LARGE1: variants seen among roughly 807,000 people sequenced by gnomAD.
LARGE1 encodes the protein LARGE xylosyl- and glucuronyltransferase 1, also known as xylosyl- and glucuronyltransferase LARGE1.
Under a neutral mutation model 87.6 loss-of-function variants are expected in LARGE1, and 43 were observed. The ratio of observed to expected loss-of-function variants is 0.49; its 90% CI spans 0.38 to 0.63. The LOEUF (loss-of-function observed/expected upper bound fraction) is 0.63, where lower values mean the gene tolerates loss of function less well. Ranked by LOEUF, LARGE1 falls within the 30% of genes least tolerant of loss-of-function variation. The pLI, the probability that LARGE1 is intolerant of heterozygous loss-of-function variation, is 0.00. For missense variants in LARGE1, 802 were observed against 1,000.2 expected (o/e 0.80, Z 2.67); for synonymous variants, 434 against 394.6 (o/e 1.10, Z -1.18).
At chr22:33,202,615 T>C (rs564677837) in intron 11 of LARGE1, among the ~76,000 whole-genome samples, 11 of 152,350 alleles carry the variant, frequency 7.2e-5, no homozygotes, top group African/African-American at 2.6e-4. Context: ...TACTGTCTAG[T>C]ACAGTGCAGA....
At chr22:33,297,240 G>GA (rs889283448) in intron 12 of LARGE1, among the ~76,000 whole-genome samples, 32 of 152,282 alleles carry the variant, frequency 2.1e-4, no homozygotes, top group African/African-American at 7.5e-4. Context: ...AAGCTGGGGA[G>GA]AAAAGAGTCG....
intron 2 of LARGE1, among the ~76,000 whole-genome samples, chr22:33,675,113 C>T (rs1230314995): frequency 6.6e-6 from 1 of 151,044 alleles, no homozygotes; most frequent in African/African-American, 2.4e-5. Flanking sequence ...ACCAACATGG[C>T]GAAATCCCGC....
rs982373233 is a variant in LARGE1, at chr22:33,629,449, T to A, written c.409-3123A>T. Among the ~76,000 whole-genome samples, 13 of 152,284 alleles carry A rather than the reference T, an allele frequency of 8.5e-5. No individual in the cohort carries two copies. In the East Asian group the frequency reaches 2.5e-3, roughly 29 times the overall value. Reference sequence around the variant, plus strand: ...TAATTTTCCAATCTCTTTAGTTTCATCGAATACACCTGCCACCATGAATAA... The same window carrying A: ...TAATTTTCCAATCTCTTTAGTTTCAACGAATACACCTGCCACCATGAATAA... On this transcript the variant is annotated intron_variant, in intron 3 of 14. Coordinates refer to ENST00000397394, the MANE Select transcript of LARGE1 (RefSeq NM_133642.5).
At chr22:33,166,990 C>G (rs1211389983) in intron 11 of LARGE1, among the ~76,000 whole-genome samples, 1 of 152,162 alleles carries the variant, frequency 6.6e-6, no homozygotes, top group East Asian at 1.9e-4. Flanking sequence ...ATATTTTTCC[C>G]TAAGATCATT....
the LARGE1 span, among the ~76,000 whole-genome samples, chr22:33,142,885 A>G: frequency 6.6e-6 from 1 of 152,200 alleles, no homozygotes; most frequent in African/African-American, 2.4e-5. Context: ...GGATTATTAT[A>G]GCAAAGCAGA....
the LARGE1 span, among the ~76,000 whole-genome samples, chr22:33,099,276 G>C: frequency 1.3e-5 from 2 of 152,114 alleles, no homozygotes; most frequent in Non-Finnish European, 2.9e-5. Context: ...TTCTTGAGAG[G>C]GAGTTTTGCT....
intron 1 of LARGE1, among the ~76,000 whole-genome samples, chr22:33,867,430 C>T (rs570615140): frequency 6.6e-6 from 1 of 152,244 alleles, no homozygotes; most frequent in East Asian, 1.9e-4. Flanking sequence ...ACAAATGAAA[C>T]CCCCTAAGAG....
chr22:33,817,418 T>C (rs994193292), intron 1 of LARGE1, among the ~76,000 whole-genome samples: 5 of 152,140 alleles, frequency 3.3e-5, no homozygotes, highest in Admixed American at 1.3e-4. Flanking sequence ...TTTACAGCCA[T>C]AGACAGATCA....
At chr22:33,573,758 G>T (rs5994777) in intron 5 of LARGE1, among the ~76,000 whole-genome samples, 3,471 of 152,200 alleles carry the variant, frequency 0.023, 113 homozygotes, top group African/African-American at 0.079. Flanking sequence ...TATATTCGCT[G>T]GGTGGTTCTT....
chr22:33,574,686 TTG>T (rs3986017), intron 5 of LARGE1, among the ~76,000 whole-genome samples: 1,634 of 143,972 alleles, frequency 0.011, 10 homozygotes, highest in East Asian at 0.02. Flanking sequence ...ATATAAACAA[TTG>T]TGTGTGTGTG....
chr22:33,860,007 C>G (rs1164945246), intron 1 of LARGE1, among the ~76,000 whole-genome samples: 1 of 152,166 alleles, frequency 6.6e-6, no homozygotes. Flanking sequence ...TGCACAATTT[C>G]AGTTCTGCAA....
chr22:33,781,438 T>C (rs1601601192), intron 1 of LARGE1, among the ~76,000 whole-genome samples: 1 of 151,820 alleles, frequency 6.6e-6, no homozygotes, highest in South Asian at 2.1e-4. Flanking sequence ...GAGGTGGAGG[T>C]TGCAGTGAGC....
intron 9 of LARGE1, among the ~76,000 whole-genome samples, chr22:33,341,602 T>C (rs1939150742): frequency 6.6e-6 from 1 of 152,188 alleles, no homozygotes; most frequent in South Asian, 2.1e-4. Context: ...CAGTGAATTA[T>C]GGGGAAACCT....
intron 6 of LARGE1, among the ~76,000 whole-genome samples, chr22:33,558,865 C>T (rs901932348): frequency 6.6e-6 from 1 of 152,238 alleles, no homozygotes; most frequent in Non-Finnish European, 1.5e-5. Context: ...GGAAATGGAG[C>T]AGACACACAT....
rs1320001969 is a variant in LARGE1, at chr22:33,564,767, T to G, written c.787+81A>C. ...CGACCTCATTCGAGGAGACCTCACC[T>G]TTTTAAAAAAGTCAACCCCTATTCT... On this transcript the variant is annotated intron_variant, in intron 6 of 14. Transcript: ENST00000397394. 3.4e-6 allele frequency: 5 copies of G among 1,475,004 alleles called. No homozygotes were observed. The Admixed American group carries it at 6.7e-5, about 20-fold the overall frequency. The allele number at this position is 1,475,004 out of a possible 1,614,324, so 91.4% of individuals were successfully genotyped here. A position where few individuals can be genotyped will look rare whatever the true frequency, so the allele number is the denominator to read the frequency against.
At position 33,276,923 on chromosome 22, in the gene LARGE1, C is replaced by T. The variant is rs901654255; in HGVS notation, c.2073+137G>A. 4 of 852,648 alleles carry T rather than the reference C, an allele frequency of 4.7e-6. No homozygotes were observed. In the African/African-American group the frequency reaches 6.6e-5, roughly 14 times the overall value. 52.8% of individuals were successfully genotyped at this position (852,648 alleles called of 1,614,324 possible). On this transcript the variant is annotated intron_variant, in intron 14 of 14. Transcript: ENST00000397394. ...GGTTTGGGATCAAGAGCCCAAGGAT[C>T]AGTACTACCACTGGTCCTCAAGCAT...
intron 11 of LARGE1, among the ~76,000 whole-genome samples, chr22:33,202,710 GA>G (rs1352137088): frequency 2.0e-5 from 3 of 152,130 alleles, no homozygotes; most frequent in Non-Finnish European, 4.4e-5. Context: ...CATTTTCAGA[GA>G]TGGCAACTGA....
At chr22:33,163,470 C>T (rs1326093645) in exon 12 of LARGE1, 1 of 152,350 alleles carries the variant, frequency 6.6e-6, no homozygotes, top group East Asian at 1.9e-4. Flanking sequence ...CACTGTTTGG[C>T]ATGAACTTGT....
At chr22:33,380,689 C>A (rs982212656) in intron 9 of LARGE1, among the ~76,000 whole-genome samples, 2 of 152,174 alleles carry the variant, frequency 1.3e-5, no homozygotes, top group African/African-American at 4.8e-5. Context: ...CACATGGGGA[C>A]ATGGATCAGA....
Sources: gnomAD v4.1 joint callset for allele counts (sites outside exome capture counted in the v4.1 genomes callset) on GRCh38, gnomAD v4.1.1 for gene constraint, MANE v1.5 for transcripts, NCBI Gene and HGNC (gene_info 2026-07-23, HGNC 2026-07-21) for gene names.